Variants in ABR observed in about 807,000 individuals in gnomAD.
ABR encodes active breakpoint cluster region-related protein.
Under a neutral mutation model 107.2 loss-of-function variants are expected in ABR, and 35 were observed. That is an observed-to-expected ratio of 0.33 (90% CI 0.25 to 0.43). The LOEUF is 0.43. Among genes scored for constraint, ABR ranks in the 20% least tolerant of loss-of-function variants. The pLI, the probability that ABR is intolerant of heterozygous loss-of-function variation, is 1.00. For missense variants in ABR, 815 were observed against 1,115.2 expected (o/e 0.73, Z 3.83); for synonymous variants, 498 against 462.0 (o/e 1.08, Z -1.00).
intron 1 of ABR, among the ~76,000 whole-genome samples, chr17:1,160,540 T>C (rs2041247834): frequency 6.6e-6 from 1 of 152,194 alleles, no homozygotes; most frequent in East Asian, 1.9e-4. Context: ...TTTTCATTCA[T>C]TCATTCACTC....
upstream of ABR, among the ~76,000 whole-genome samples, chr17:1,192,033 G>A (rs773586847): frequency 1.3e-5 from 2 of 152,190 alleles, no homozygotes; most frequent in South Asian, 2.1e-4. Context: ...ACGAAGAGAT[G>A]TAAGTCCCAG....
At chr17:1,109,752 A>G (rs897394838) in intron 2 of ABR, among the ~76,000 whole-genome samples, 7 of 151,994 alleles carry the variant, frequency 4.6e-5, no homozygotes, top group African/African-American at 1.7e-4. Flanking sequence ...GCTTTGCAAC[A>G]GACAGGCCTG....
At chr17:1,034,390 C>G (rs914299673) in intron 16 of ABR, among the ~76,000 whole-genome samples, 11 of 152,170 alleles carry the variant, frequency 7.2e-5, no homozygotes, top group Admixed American at 1.3e-4. Flanking sequence ...AGATGTCCAT[C>G]AACAGGAGGC....
intron 6 of ABR, among the ~76,000 whole-genome samples, chr17:1,074,746 A>C (rs2035562458): frequency 6.6e-6 from 1 of 152,234 alleles, no homozygotes; most frequent in Admixed American, 6.5e-5. Context: ...CTGCTCCCCG[A>C]GGCCAGCCTG....
At chr17:1,023,308 T>C (rs749671048) in intron 16 of ABR, among the ~76,000 whole-genome samples, 5 of 152,240 alleles carry the variant, frequency 3.3e-5, no homozygotes, top group Non-Finnish European at 7.3e-5. Flanking sequence ...TGGGCTGCTC[T>C]TGGAGGCCCC....
chr17:1,121,614 CAAGG>C lies in ABR; in HGVS notation c.246+3565_246+3568del, dbSNP rs2039354504. Among the ~76,000 whole-genome samples the C allele has an allele frequency of 1.1e-3, 167 of 149,348 alleles. 8 individuals carry two copies. The highest frequency in any genetic ancestry group is 3.8e-3 in the African/African-American group (153 of 39,966). The stretch of plus-strand genomic sequence containing the variant: ...CACAGTGGGATGGGAGCTGAGTCCC[CAAGG>C]CAGGGCTCTGAGCCCTGCTGTGGTC... On this transcript the variant is annotated intron_variant, in intron 2 of 22. Transcript: ENST00000302538.
At chr17:1,207,150 G>T (rs1401271348) in intron 1 of ABR, among the ~76,000 whole-genome samples, 1 of 151,984 alleles carries the variant, frequency 6.6e-6, no homozygotes, top group African/African-American at 2.4e-5. Context: ...TACTCCACAG[G>T]CTAAGGTGGA....
At chr17:1,196,544 C>G (rs2042569698) in intron 1 of ABR, among the ~76,000 whole-genome samples, 1 of 152,138 alleles carries the variant, frequency 6.6e-6, no homozygotes, top group South Asian at 2.1e-4. Flanking sequence ...CACCCACCCC[C>G]TCCCTAAATG....
At position 1,113,281 on chromosome 17, in the gene ABR, T is replaced by TTTTC; in HGVS notation, c.246+11901_246+11902insGAAA. ...TAACATGGAAACACCTATTGCGATT[T>TTTTC]TTTTTTTTTTTTTTTTTTTTTTTGA... On this transcript the variant is annotated intron_variant, in intron 2 of 22. Transcript: ENST00000302538. 1.5e-5 allele frequency among the ~76,000 whole-genome samples: 2 copies of TTTTC among 131,824 alleles called. 1 individual carries two copies. The highest frequency in any genetic ancestry group is 7.4e-3 in the Middle Eastern group (2 of 270). 86.5% of individuals were successfully genotyped at this position (131,824 alleles called of 152,430 possible). A position where few individuals can be genotyped will look rare whatever the true frequency, so the allele number is the denominator to read the frequency against.
chr17:1,066,582 G>A (rs2034766014), intron 10 of ABR, among the ~76,000 whole-genome samples: 1 of 151,666 alleles, frequency 6.6e-6, no homozygotes, highest in African/African-American at 2.4e-5. Context: ...AGACTGGAGT[G>A]CATTGGCATG....
Position 1,179,709 on chromosome 17 carries a change from G to T in ABR, c.19C>A (p.Arg7=), listed in dbSNP as rs377288858. The change falls in exon 1 of 23, where the codon CGG becomes AGG. Residue 7 remains arginine, a synonymous_variant. Coordinates refer to ENST00000302538, the MANE Select transcript of ABR (RefSeq NM_021962.5). This position sits in a 1 kb window ranked among gnomAD's most constrained non-coding sequence, Gnocchi z 4.9. MEPLSH[R]GLPRLSWIDT... ...ATCCAGGACAGGCGCGGCAGGCCCC[G>T]GTGGCTGAGCGGCTCCATCCCGCGG... 4.2e-4 allele frequency: 659 copies of T among 1,557,830 alleles called. 2 individuals are homozygous for T. The highest frequency in any genetic ancestry group is 2.5e-3 in the Middle Eastern group (15 of 5,908).
At chr17:1,130,886 C>T (rs922621092) in intron 1 of ABR, among the ~76,000 whole-genome samples, 1 of 152,208 alleles carries the variant, frequency 6.6e-6, no homozygotes, top group African/African-American at 2.4e-5. Flanking sequence ...GGGAACTCTG[C>T]CCCGGCAGCC....
chr17:1,178,885 C>G (rs2042013936), intron 1 of ABR, among the ~76,000 whole-genome samples: 3 of 151,946 alleles, frequency 2.0e-5, no homozygotes, highest in Admixed American at 2.0e-4. Context: ...TCTCGGTTCG[C>G]CCCAAGCCCC....
chr17:1,031,489 G>A lies in ABR; in HGVS notation c.1792-18325C>T, dbSNP rs962838304. On this transcript the variant is annotated intron_variant, in intron 16 of 22. Coordinates refer to ENST00000302538, the MANE Select transcript of ABR (RefSeq NM_021962.5). The stretch of plus-strand genomic sequence containing the variant: ...CCCCAGCTCTGTCCCGGGACTCCAC[G>A]GAGGGGGCGGGAGCGGGACCCCATC... The A allele has an allele frequency of 1.6e-5, 12 of 740,094 alleles. 1 individual carries two copies. The highest frequency in any genetic ancestry group is 8.8e-5 in the Admixed American group (2 of 22,660). 45.8% of individuals were successfully genotyped at this position (740,094 alleles called of 1,614,324 possible).
At chr17:1,175,512 A>C (rs769230782) in intron 1 of ABR, among the ~76,000 whole-genome samples, 6 of 152,190 alleles carry the variant, frequency 3.9e-5, no homozygotes, top group Non-Finnish European at 7.4e-5. Context: ...ATACAGGCAA[A>C]TGAGTGGCGC....
intron 1 of ABR, among the ~76,000 whole-genome samples, chr17:1,205,639 A>G (rs1479456036): frequency 6.6e-6 from 1 of 152,198 alleles, no homozygotes; most frequent in Non-Finnish European, 1.5e-5. Flanking sequence ...GTAAGACTTC[A>G]TCTCTACAAA....
intron 1 of ABR, among the ~76,000 whole-genome samples, chr17:1,149,466 C>G (rs2040708802): frequency 6.6e-6 from 1 of 150,850 alleles, no homozygotes; most frequent in Non-Finnish European, 1.5e-5. Context: ...ACTCTGTCAC[C>G]CAGGCTGGAG....
intron 16 of ABR, among the ~76,000 whole-genome samples, chr17:1,025,186 C>T (rs973829413): frequency 1.3e-5 from 2 of 148,484 alleles, no homozygotes; most frequent in African/African-American, 5.0e-5. Context: ...ATCCCAGCTA[C>T]TCAGGAGGCT....
intron 16 of ABR, among the ~76,000 whole-genome samples, chr17:1,022,077 A>C (rs1345711850): frequency 2.7e-5 from 4 of 146,252 alleles, no homozygotes; most frequent in Non-Finnish European, 6.0e-5. Flanking sequence ...ACTGCACTCC[A>C]GCCTGGGCAA....
Sources: allele counts gnomAD v4.1 joint callset (sites outside exome capture counted in the v4.1 genomes callset), GRCh38; gene constraint gnomAD v4.1.1; non-coding constraint Gnocchi (gnomAD v3.1); transcripts MANE v1.5; gene names NCBI Gene and HGNC (gene_info 2026-07-23, HGNC 2026-07-21).